Variants in FXYD5 observed in about 807,000 individuals in gnomAD.
FXYD5 encodes the protein FXYD domain-containing ion transport regulator 5.
In FXYD5, 21 loss-of-function variants were observed where a neutral mutation model predicts 25.7. The ratio of observed to expected loss-of-function variants is 0.82; its 90% CI spans 0.58 to 1.18. The LOEUF is 1.18. Among genes scored for constraint, FXYD5 ranks in the 50% most tolerant of loss-of-function variants. The probability of loss-of-function intolerance (pLI) is 0.00; values close to 1 mark genes in which losing one functional copy is unlikely to be tolerated. For missense variants in FXYD5, 229 were observed against 227.7 expected, an observed-to-expected ratio of 1.01 and a Z score of -0.04; for synonymous variants, 101 against 90.7, an observed-to-expected ratio of 1.11 and a Z score of -0.64.
At chr19:35,166,038 G>C in intron 6 of FXYD5, 104 bp from the exon 7 acceptor site, 1 of 1,066,170 alleles carries the variant, frequency 9.4e-7, no homozygotes, top group Non-Finnish European at 1.5e-6. Flanking sequence ...TTTGGGTTTT[G>C]TTCTAAGGGT....
rs1049385271 is a variant in FXYD5 at position 35,161,181 on chromosome 19, C to T, written c.292+380C>T. Among the ~76,000 whole-genome samples the T allele has an allele frequency of 5.1e-5, 6 of 118,422 alleles. No homozygotes were observed. The East Asian group carries it at 1.6e-3, about 31-fold the overall frequency. 77.7% of individuals were successfully genotyped at this position (118,422 alleles called of 152,430 possible). On this transcript the variant is annotated intron_variant, in intron 5 of 8. Coordinates refer to ENST00000392219, the MANE Select transcript of FXYD5 (RefSeq NM_014164.6). ...TTTGTACATCTCCTTAATGTTAGAG[C>T]AGGAGCTTTTCAGTTGCAAAATATA...
chr19:35,161,221 A>AACACACACACACACACAC lies in FXYD5; in HGVS notation c.292+430_292+447dup, dbSNP rs147168736. On this transcript the variant is annotated intron_variant, in intron 5 of 8. Coordinates refer to ENST00000392219, the MANE Select transcript of FXYD5 (RefSeq NM_014164.6). ...TGCAAAATATAGAAAATTCACCTTAAACACACACACACACACACACACACA... is the reference window on the plus strand; with the variant it reads ...TGCAAAATATAGAAAATTCACCTTAAACACACACACACACACACACACACACACACACACACACACACA... Among the ~76,000 whole-genome samples, 312 of 38,242 alleles carry AACACACACACACACACAC rather than the reference A, an allele frequency of 8.2e-3. 1 individual carries two copies. Among genetic ancestry groups the AACACACACACACACACAC allele is most frequent in the African/African-American group, 0.022 (194 of 8,884 alleles). 25.1% of individuals were successfully genotyped at this position (38,242 alleles called of 152,430 possible).
intron 3 of FXYD5, among the ~76,000 whole-genome samples, chr19:35,157,880 C>T (rs2065371374): frequency 6.6e-6 from 1 of 152,188 alleles, no homozygotes; most frequent in Admixed American, 6.5e-5. Context: ...CCTGAGCTGG[C>T]CACTGTGGCC....
chr19:35,166,024 A>G, intron 6 of FXYD5, 118 bp from the exon 7 acceptor site: 1 of 878,432 alleles, frequency 1.1e-6, no homozygotes. Flanking sequence ...GCCATGGTGA[A>G]GATTTTGGGT....
intron 8 of FXYD5, 57 bp from the exon 9 acceptor site, chr19:35,169,509 C>T (rs993568021): frequency 1.5e-6 from 2 of 1,315,444 alleles, no homozygotes; most frequent in Non-Finnish European, 2.2e-6. Context: ...CCCCACAACA[C>T]ACGATAAGAA....
rs796741851 is a variant in FXYD5, at chr19:35,159,616, G to C, written c.200-1093G>C. 9.7e-6 allele frequency: 15 copies of C among 1,550,274 alleles called. No homozygotes were observed. The African/African-American group carries it at 2.1e-4, about 21-fold the overall frequency. On this transcript the variant is annotated intron_variant, in intron 4 of 8. Coordinates refer to ENST00000392219, the MANE Select transcript of FXYD5 (RefSeq NM_014164.6). ...ACACAGCACCACAATGAGCAACTTTGTCCCTTCCTCCTTGAGCAAACGCAC... is the reference window on the plus strand; with the variant it reads ...ACACAGCACCACAATGAGCAACTTTCTCCCTTCCTCCTTGAGCAAACGCAC...
At chr19:35,165,370 A>T (rs922775233) in intron 6 of FXYD5, among the ~76,000 whole-genome samples, 3 of 152,194 alleles carry the variant, frequency 2.0e-5, no homozygotes, top group African/African-American at 7.2e-5. Context: ...CCCTTTTTAT[A>T]CTGTATAGGG....
At chr19:35,156,092 T>G (rs1600498698) in intron 2 of FXYD5, among the ~76,000 whole-genome samples, 1 of 152,278 alleles carries the variant, frequency 6.6e-6, no homozygotes. Flanking sequence ...GTGTGGCAGG[T>G]GTGGTGTGTG....
chr19:35,158,470 C>A, intron 4 of FXYD5, 70 bp downstream of exon 4: 2 of 938,396 alleles, frequency 2.1e-6, no homozygotes, highest in Non-Finnish European at 3.5e-6. Context: ...TCCTCTGACA[C>A]TATAGGTCTT....
intron 8 of FXYD5, among the ~76,000 whole-genome samples, chr19:35,167,847 T>G (rs2065464405): frequency 6.6e-6 from 1 of 152,116 alleles, no homozygotes. Flanking sequence ...CCAGGTCCTA[T>G]TCTCACCCCA....
At chr19:35,164,275 A>G in intron 6 of FXYD5, 30 bp downstream of exon 6, 1 of 1,592,106 alleles carries the variant, frequency 6.3e-7, no homozygotes, top group Non-Finnish European at 8.6e-7. Flanking sequence ...GACTGGAAAC[A>G]GGCTATTTTC....
At chr19:35,163,744 A>G (rs1293637276) in intron 5 of FXYD5, among the ~76,000 whole-genome samples, 1 of 152,066 alleles carries the variant, frequency 6.6e-6, no homozygotes, top group African/African-American at 2.4e-5. Flanking sequence ...AGTCTCCCAA[A>G]GTGCTGGGGT....
chr19:35,167,889 G>A (rs570259812), intron 8 of FXYD5, among the ~76,000 whole-genome samples: 2 of 152,234 alleles, frequency 1.3e-5, no homozygotes, highest in South Asian at 4.2e-4. Flanking sequence ...GAGTTAAGGA[G>A]TTTGCCTAAG....
intron 4 of FXYD5, among the ~76,000 whole-genome samples, chr19:35,158,686 C>T (rs2065379029): frequency 6.6e-6 from 1 of 152,176 alleles, no homozygotes; most frequent in African/African-American, 2.4e-5. Context: ...TAACTACCAA[C>T]CGGGTCAAGG....
intron 2 of FXYD5, among the ~76,000 whole-genome samples, chr19:35,156,063 G>T (rs927030493): frequency 9.9e-5 from 15 of 152,200 alleles, no homozygotes; most frequent in Non-Finnish European, 2.1e-4. Context: ...ACCACAGGGG[G>T]GTATTGATCG....
At chr19:35,158,991 G>T (rs1395933807) in intron 4 of FXYD5, among the ~76,000 whole-genome samples, 1 of 151,988 alleles carries the variant, frequency 6.6e-6, no homozygotes, top group African/African-American at 2.4e-5. Context: ...AGCCGAGTGC[G>T]TTGGCGTGCT....
At chr19:35,162,776 G>A (rs774657593) in intron 5 of FXYD5, among the ~76,000 whole-genome samples, 2 of 152,286 alleles carry the variant, frequency 1.3e-5, no homozygotes, top group East Asian at 3.9e-4. Flanking sequence ...CTCAGGGAAG[G>A]ACCAGACTGA....
In FXYD5 at chr19:35,157,474, G is replaced by C. The variant is rs769469441; in HGVS notation, c.115G>C (p.Asp39His). Residue 39 changes from aspartate (D) to histidine (H), a missense_variant, in exon 3 of 9, where the codon GAC (aspartate) becomes CAC (histidine). Transcript: ENST00000392219. The part of the protein sequence containing the change: ...SSSSADSTIM[D>H]IQVPTRAPDA... The stretch of plus-strand genomic sequence containing the variant: ...TTCTTCAGCAGACTCAACTATCATG[G>C]ACATTCAGGTCCCGACACGAGCCCC... 4 of 1,580,864 alleles carry C rather than the reference G, an allele frequency of 2.5e-6. No individual in the cohort carries two copies. Among genetic ancestry groups the C allele is most frequent in the Middle Eastern group, 3.3e-4 (2 of 5,992 alleles).
intron 5 of FXYD5, among the ~76,000 whole-genome samples, chr19:35,161,627 A>G (rs1030516707): frequency 5.3e-5 from 8 of 152,238 alleles, no homozygotes; most frequent in African/African-American, 1.9e-4. Context: ...TCAGCCAGCC[A>G]TGCCTGAACC....
Sources: gnomAD v4.1 joint callset for allele counts (sites outside exome capture counted in the v4.1 genomes callset) on GRCh38, gnomAD v4.1.1 for gene constraint, MANE v1.5 for transcripts, NCBI Gene and HGNC (gene_info 2026-07-23, HGNC 2026-07-21) for gene names.